The following TGFB1I1 variants were observed in gnomAD, a reference collection of about 807,000 sequenced individuals.
TGFB1I1 encodes the protein transforming growth factor beta-1-induced transcript 1 protein.
A neutral mutation model predicts 52.0 loss-of-function variants in TGFB1I1; 33 were observed. The observed-to-expected ratio is 0.63, with a 90% CI of 0.48 to 0.85. The LOEUF is 0.85. Among genes scored for constraint, TGFB1I1 ranks in the 40% least tolerant of loss-of-function variants. The pLI is 0.00. For synonymous variants in TGFB1I1, 236 were observed against 253.3 expected (o/e 0.93, Z 0.65); for missense variants, 577 against 614.9 (o/e 0.94, Z 0.65).
In TGFB1I1 at chr16:31,473,466, T is replaced by C. The variant is rs753968189; in HGVS notation, c.39T>C (p.Thr13=). The change falls in exon 2 of 11, where the codon ACT becomes ACC. Residue 13 remains threonine, a synonymous_variant. Transcript: ENST00000394863. ...DLDALLSDLE[T]TTSHMPRSGA... is the part of the protein sequence containing the mutation. ...ATGCCCTGCTCTCTGACCTGGAGAC[T>C]ACCACCTCGCACATGCCAAGGTCAG... is the stretch of plus-strand genomic sequence containing the variant. 2 of 1,613,862 alleles carry C rather than the reference T, an allele frequency of 1.2e-6. No homozygotes were observed. Among genetic ancestry groups the C allele is most frequent in the South Asian group, 2.2e-5 (2 of 91,080 alleles).
rs896503556 is a variant in TGFB1I1 at position 31,476,065 on chromosome 16, C to T, written c.768C>T (p.Gly256=). ...ACCCCGAGCACTTCGTTTGCGGAGG[C>T]TGTTCCACCGCCCTGGGAGGCAGCA... ...AWHPEHFVCG[G]CSTALGGSSF... is the part of the protein sequence containing the mutation. The change falls in exon 8 of 11, where the codon GGC becomes GGT. Residue 256 remains glycine, a synonymous_variant. Transcript: ENST00000394863. The surrounding 1 kb of genome is among the most constrained non-coding windows in gnomAD (Gnocchi z 7.6). 6.2e-7 allele frequency: 1 copy of T among 1,613,768 alleles called. No individual in the cohort carries two copies. Among genetic ancestry groups the T allele is most frequent in the South Asian group, 1.1e-5 (1 of 91,084 alleles).
intron 1 of TGFB1I1, 140 bp downstream of exon 1, chr16:31,472,341 C>T: frequency 7.7e-7 from 1 of 1,306,106 alleles, no homozygotes; most frequent in Non-Finnish European, 9.8e-7. Flanking sequence ...TTTCCAACTC[C>T]ACGTCCCCCT....
rs765958528 is a variant in TGFB1I1, at chr16:31,477,582, C to T, written c.*6C>T. ...TCCTGAAGCTCTTCGGCTGACAGCC[C>T]GCTCGGCTCGCCCTCTCCCCCGGAG... On this transcript the variant is annotated 3_prime_UTR_variant, in exon 11 of 11. Coordinates refer to ENST00000394863, the MANE Select transcript of TGFB1I1 (RefSeq NM_001042454.3). This position sits in a 1 kb window ranked among gnomAD's most constrained non-coding sequence, Gnocchi z 4.7. 5 of 1,593,450 alleles carry T rather than the reference C, an allele frequency of 3.1e-6. No individual in the cohort carries two copies. The highest frequency in any genetic ancestry group is 4.3e-6 in the Non-Finnish European group (5 of 1,171,188).
Position 31,477,198 on chromosome 16 carries a change from C to T in TGFB1I1, c.1120-112C>T. ...GGGCAGGGTCCCACCGGACGGGATT[C>T]TTCGCGTCTAGGGCGGGCTGCGGGG... is the stretch of plus-strand genomic sequence containing the variant. On this transcript the variant is annotated intron_variant, in intron 10 of 10. Transcript: ENST00000394863. This position sits in a 1 kb window ranked among gnomAD's most constrained non-coding sequence, Gnocchi z 4.7. 2 of 1,473,104 alleles carry T rather than the reference C, an allele frequency of 1.4e-6. No homozygotes were observed. Among genetic ancestry groups the T allele is most frequent in the Non-Finnish European group, 9.1e-7 (1 of 1,101,978 alleles). 91.3% of individuals were successfully genotyped at this position (1,473,104 alleles called of 1,614,324 possible).
Position 31,472,153 on chromosome 16 carries a change from C to T in TGFB1I1, c.-36C>T, listed in dbSNP as rs1360902310. The T allele has an allele frequency of 7.3e-7, 1 of 1,367,160 alleles. No individual in the cohort carries two copies. Among genetic ancestry groups the T allele is most frequent in the Non-Finnish European group, 9.5e-7 (1 of 1,051,500 alleles). 84.7% of individuals were successfully genotyped at this position (1,367,160 alleles called of 1,614,324 possible). A position where few individuals can be genotyped will look rare whatever the true frequency, so the allele number is the denominator to read the frequency against. ...CCGCCCCCACCGGACACGGCCCCCGCCCTGTTCGCCCCGCGCCACCGGCCC... is the reference window on the plus strand; with the variant it reads ...CCGCCCCCACCGGACACGGCCCCCGTCCTGTTCGCCCCGCGCCACCGGCCC... On this transcript the variant is annotated 5_prime_UTR_variant, in exon 1 of 11. Transcript: ENST00000394863.
chr16:31,472,767 G>A (rs2142589976), intron 1 of TGFB1I1: 1 of 152,620 alleles, frequency 6.6e-6, no homozygotes, highest in East Asian at 1.9e-4. Context: ...GGAAGTGAAA[G>A]GGCTCAAAAG....
In TGFB1I1 at chr16:31,476,113, C is replaced by T. The variant is rs755355769; in HGVS notation, c.816C>T (p.Ala272=). The change falls in exon 8 of 11, where the codon GCC becomes GCT. Residue 272 remains alanine, a synonymous_variant. Transcript: ENST00000394863. The surrounding 1 kb of genome is among the most constrained non-coding windows in gnomAD (Gnocchi z 7.6). ...GGSSFFEKDG[A]PFCPECYFER... is the part of the protein sequence containing the mutation. ...GCAGCTTCTTCGAGAAGGATGGAGC[C>T]CCCTTCTGCCCCGAGTGCTACTTTG... 6 of 1,613,868 alleles carry T rather than the reference C, an allele frequency of 3.7e-6. No homozygotes were observed. Among genetic ancestry groups the T allele is most frequent in the East Asian group, 2.2e-5 (1 of 44,860 alleles).
Position 31,476,350 on chromosome 16 carries a change from C to A in TGFB1I1, c.889-131C>A. 15 of 1,219,678 alleles carry A rather than the reference C, an allele frequency of 1.2e-5. No individual in the cohort carries two copies. Among genetic ancestry groups the A allele is most frequent in the East Asian group, 2.5e-5 (1 of 39,816 alleles). The allele number at this position is 1,219,678 out of a possible 1,614,324, so 75.6% of individuals were successfully genotyped here. A position where few individuals can be genotyped will look rare whatever the true frequency, so the allele number is the denominator to read the frequency against. On this transcript the variant is annotated intron_variant, in intron 8 of 10. Coordinates refer to ENST00000394863, the MANE Select transcript of TGFB1I1 (RefSeq NM_001042454.3). The surrounding 1 kb of genome is among the most constrained non-coding windows in gnomAD (Gnocchi z 7.6). Reference sequence around the variant, plus strand: ...CTTGGACTCCACTCTTCCTTTCTGACCCCCACGTTCCTAGTTAGATCTTCT... The same window carrying A: ...CTTGGACTCCACTCTTCCTTTCTGAACCCCACGTTCCTAGTTAGATCTTCT...
intron 1 of TGFB1I1, chr16:31,472,664 T>G: frequency 1.3e-5 from 2 of 154,466 alleles, no homozygotes; most frequent in African/African-American, 2.4e-5. Context: ...AGGAAGAGAA[T>G]AGTAACTCAG....
chr16:31,472,161 G>A lies in TGFB1I1; in HGVS notation c.-28G>A. On this transcript the variant is annotated 5_prime_UTR_variant, in exon 1 of 11. Transcript: ENST00000394863. ...ACCGGACACGGCCCCCGCCCTGTTC[G>A]CCCCGCGCCACCGGCCCGCGCCCCG... 3 of 1,331,102 alleles carry A rather than the reference G, an allele frequency of 2.3e-6. No individual in the cohort carries two copies. The highest frequency in any genetic ancestry group is 6.2e-5 in the East Asian group (2 of 32,398). The allele number at this position is 1,331,102 out of a possible 1,614,324, so 82.5% of individuals were successfully genotyped here.
In TGFB1I1 at chr16:31,477,007, C is replaced by A. The variant is rs762281242; in HGVS notation, c.1116C>A (p.Cys372Ter). ...TCTGGCACCCGGACTGTTTCGTCTGCAGGGTGCGAGCTGCGGGGCGGGGCG... is the reference window on the plus strand; with the variant it reads ...TCTGGCACCCGGACTGTTTCGTCTGAAGGGTGCGAGCTGCGGGGCGGGGCG... ...SALWHPDCFV[C>*]RECFAPFSGG... Residue 372 changes from cysteine (C) to a stop codon, truncating the protein, a stop_gained, in exon 10 of 11, where the codon TGC becomes TGA. Transcript: ENST00000394863. LOFTEE classifies it high-confidence loss of function. The surrounding 1 kb of genome is among the most constrained non-coding windows in gnomAD (Gnocchi z 4.7). 2.5e-5 allele frequency: 39 copies of A among 1,579,468 alleles called. No individual in the cohort carries two copies. The highest frequency in any genetic ancestry group is 3.2e-5 in the Non-Finnish European group (38 of 1,170,008).
intron 7 of TGFB1I1, chr16:31,475,011 CCTCAT>C (rs988167446): frequency 8.2e-5 from 42 of 509,910 alleles, no homozygotes; most frequent in African/African-American, 6.7e-4. Context: ...CTTTACAAAC[CCTCAT>C]CTCATCTGAT....
chr16:31,476,331 C>CAT lies in TGFB1I1; in HGVS notation c.888+146_888+147insAT. 2 of 1,265,728 alleles carry CAT rather than the reference C, an allele frequency of 1.6e-6. No homozygotes were observed. Among genetic ancestry groups the CAT allele is most frequent in the Non-Finnish European group, 2.2e-6 (2 of 918,284 alleles). The allele number at this position is 1,265,728 out of a possible 1,614,324, so 78.4% of individuals were successfully genotyped here. ...TTGGCAATGTCCACGGCCCCTTGGA[C>CAT]TCCACTCTTCCTTTCTGACCCCCAC... On this transcript the variant is annotated intron_variant, in intron 8 of 10. Coordinates refer to ENST00000394863, the MANE Select transcript of TGFB1I1 (RefSeq NM_001042454.3). The surrounding 1 kb of genome is among the most constrained non-coding windows in gnomAD (Gnocchi z 7.6).
At position 31,476,125 on chromosome 16, in the gene TGFB1I1, C is replaced by T. The variant is rs543726939; in HGVS notation, c.828C>T (p.Pro276=). 1.2e-5 allele frequency: 20 copies of T among 1,613,844 alleles called. No individual in the cohort carries two copies. In the South Asian group the frequency reaches 1.4e-4, roughly 12 times the overall value. The part of the protein sequence containing the change: ...FFEKDGAPFC[P]ECYFERFSPR... ...AGAAGGATGGAGCCCCCTTCTGCCC[C>T]GAGTGCTACTTTGAGCGCTTCTCGC... Residue 276 remains proline, a synonymous_variant, in exon 8 of 11, where the codon CCC becomes CCT. Transcript: ENST00000394863. This position sits in a 1 kb window ranked among gnomAD's most constrained non-coding sequence, Gnocchi z 7.6.
At position 31,477,855 on chromosome 16, in the gene TGFB1I1, T is replaced by A; in HGVS notation, c.*279T>A. On this transcript the variant is annotated 3_prime_UTR_variant, in exon 11 of 11. Transcript: ENST00000394863. This position sits in a 1 kb window ranked among gnomAD's most constrained non-coding sequence, Gnocchi z 4.7. Reference sequence around the variant, plus strand: ...AGCCCCCTTACTGGGGGAGGGTCCTTGCAATTCCAGCGAATCGGAGGCCAG... The same window carrying A: ...AGCCCCCTTACTGGGGGAGGGTCCTAGCAATTCCAGCGAATCGGAGGCCAG... The A allele has an allele frequency of 2.0e-6, 1 of 496,492 alleles. No homozygotes were observed. The allele number at this position is 496,492 out of a possible 1,614,324, so 30.8% of individuals were successfully genotyped here.
Position 31,477,880 on chromosome 16 carries a change from G to C in TGFB1I1, c.*304G>C, listed in dbSNP as rs1270963756. ...TGCAATTCCAGCGAATCGGAGGCCA[G>C]GCCAGGACGTCCTTGCTCCCTGCAC... On this transcript the variant is annotated 3_prime_UTR_variant, in exon 11 of 11. Transcript: ENST00000394863. This position sits in a 1 kb window ranked among gnomAD's most constrained non-coding sequence, Gnocchi z 4.7. 5 of 465,614 alleles carry C rather than the reference G, an allele frequency of 1.1e-5. No individual in the cohort carries two copies. Among genetic ancestry groups the C allele is most frequent in the Non-Finnish European group, 1.9e-5 (5 of 262,422 alleles). The allele number at this position is 465,614 out of a possible 1,614,324, so 28.8% of individuals were successfully genotyped here.
intron 7 of TGFB1I1, chr16:31,475,422 C>T (rs2082417388): frequency 6.5e-6 from 1 of 152,814 alleles, no homozygotes; most frequent in Non-Finnish European, 1.5e-5. Flanking sequence ...GGATTTTTCA[C>T]TTCCTCCCTC....
In TGFB1I1 at chr16:31,474,553, C is replaced by T. The variant is rs1179135693; in HGVS notation, c.520-10C>T. The stretch of plus-strand genomic sequence containing the variant: ...TTGCTGACTCAATTCTCATGTCCTC[C>T]CCGCTGCAGCTTCCAGCCTCTGGGC... On this transcript the variant is annotated splice_polypyrimidine_tract_variant and intron_variant, in intron 6 of 10. Coordinates refer to ENST00000394863, the MANE Select transcript of TGFB1I1 (RefSeq NM_001042454.3). The surrounding 1 kb of genome is among the most constrained non-coding windows in gnomAD (Gnocchi z 4.2). 5 of 1,608,598 alleles carry T rather than the reference C, an allele frequency of 3.1e-6. No individual in the cohort carries two copies. In the Admixed American group the frequency reaches 5.0e-5, roughly 16 times the overall value.
chr16:31,477,201 C>T lies in TGFB1I1; in HGVS notation c.1120-109C>T. ...CAGGGTCCCACCGGACGGGATTCTT[C>T]GCGTCTAGGGCGGGCTGCGGGGTCC... On this transcript the variant is annotated intron_variant, in intron 10 of 10. Coordinates refer to ENST00000394863, the MANE Select transcript of TGFB1I1 (RefSeq NM_001042454.3). This position sits in a 1 kb window ranked among gnomAD's most constrained non-coding sequence, Gnocchi z 4.7. 6.8e-7 allele frequency: 1 copy of T among 1,475,732 alleles called. No homozygotes were observed. The highest frequency in any genetic ancestry group is 9.1e-7 in the Non-Finnish European group (1 of 1,103,564). 91.4% of individuals were successfully genotyped at this position (1,475,732 alleles called of 1,614,324 possible).
Sources: gnomAD v4.1 joint callset for allele counts on GRCh38, gnomAD v4.1.1 for gene constraint, Gnocchi (gnomAD v3.1) non-coding constraint, MANE v1.5 for transcripts, NCBI Gene and HGNC (gene_info 2026-07-23, HGNC 2026-07-21) for gene names.